COL19A1: variants seen among roughly 807,000 people sequenced by gnomAD.
COL19A1 encodes the protein collagen type XIX alpha 1 chain.
In COL19A1, 159 loss-of-function variants were observed where a neutral mutation model predicts 190.2. That is an observed-to-expected ratio of 0.84 (90% CI 0.73 to 0.95). The LOEUF (loss-of-function observed/expected upper bound fraction) is 0.95. COL19A1 is among the 40% of genes least tolerant of loss of function. The pLI is 0.00. For missense variants in COL19A1, 1,418 were observed against 1,431.9 expected (o/e 0.99, Z 0.16); for synonymous variants, 509 against 458.9 (o/e 1.11, Z -1.39).
intron 4 of COL19A1, among the ~76,000 whole-genome samples, chr6:69,907,112 T>C (rs796460658): frequency 7.1e-6 from 1 of 140,906 alleles, no homozygotes. Context: ...TTATTATTTT[T>C]TTTTTTTTTT....
intron 11 of COL19A1, among the ~76,000 whole-genome samples, chr6:69,999,725 T>C (rs1777133312): frequency 6.6e-6 from 1 of 152,190 alleles, no homozygotes; most frequent in Admixed American, 6.5e-5. Flanking sequence ...TAGTATCTAA[T>C]GTAAGCTCTG....
rs1481974284 is a variant in COL19A1, at chr6:70,144,201, G to A, written c.1627-9G>A. On this transcript the variant is annotated splice_polypyrimidine_tract_variant and intron_variant, in intron 23 of 50. Transcript: ENST00000620364. The stretch of plus-strand genomic sequence containing the variant: ...CATTACTCTTTCCTATTAACTCTGA[G>A]TTTTCTAGGGATTGCCAGGAGAACA... The A allele has an allele frequency of 1.9e-6, 3 of 1,610,974 alleles. No homozygotes were observed. Among genetic ancestry groups the A allele is most frequent in the Non-Finnish European group, 2.5e-6 (3 of 1,177,948 alleles).
At chr6:70,100,216 A>T (rs1050271992) in intron 15 of COL19A1, among the ~76,000 whole-genome samples, 12 of 152,172 alleles carry the variant, frequency 7.9e-5, no homozygotes, top group African/African-American at 2.9e-4. Context: ...GATACCATTG[A>T]TTTAGTTTCT....
intron 48 of COL19A1, among the ~76,000 whole-genome samples, chr6:70,191,119 C>T (rs1246191549): frequency 6.6e-6 from 1 of 152,098 alleles, no homozygotes; most frequent in Non-Finnish European, 1.5e-5. Flanking sequence ...TTCTATCTGG[C>T]CCTTGCAGAG....
chr6:69,869,056 T>C (rs1025727562), intron 1 of COL19A1, among the ~76,000 whole-genome samples: 1 of 148,384 alleles, frequency 6.7e-6, no homozygotes, highest in Non-Finnish European at 1.5e-5. Flanking sequence ...AAACCCAGAA[T>C]GAATAGGACC....
intron 4 of COL19A1, among the ~76,000 whole-genome samples, chr6:69,907,075 C>T (rs1351937923): frequency 2.0e-5 from 3 of 150,550 alleles, no homozygotes; most frequent in Non-Finnish European, 4.4e-5. Flanking sequence ...CTACACGGAC[C>T]TTTACACTAT....
At chr6:70,185,041 C>T (rs928823102) in intron 46 of COL19A1, 126 bp downstream of exon 46, 6 of 797,174 alleles carry the variant, frequency 7.5e-6, no homozygotes, top group Non-Finnish European at 1.1e-5. Flanking sequence ...AGGGTGTAGG[C>T]GATCAAAGAT....
intron 32 of COL19A1, 25 bp from the exon 33 acceptor site, chr6:70,156,291 G>C: frequency 6.2e-7 from 1 of 1,613,248 alleles, no homozygotes; most frequent in Non-Finnish European, 8.5e-7. Flanking sequence ...CATCCTCTCA[G>C]TTCTGTTCTT....
chr6:70,180,987 TG>T (rs1766140357), intron 44 of COL19A1, among the ~76,000 whole-genome samples: 1 of 152,218 alleles, frequency 6.6e-6, no homozygotes, highest in Non-Finnish European at 1.5e-5. Flanking sequence ...CTCATCCCCT[TG>T]TGTCCTAAAA....
At chr6:69,892,071 A>ATAACTGGTAGC (rs1769389795) in intron 2 of COL19A1, among the ~76,000 whole-genome samples, 1 of 152,220 alleles carries the variant, frequency 6.6e-6, no homozygotes, top group South Asian at 2.1e-4. Context: ...AGACACCCAG[A>ATAACTGGTAGC]TAACTGGTAG....
At chr6:70,019,690 A>G (rs1778312073) in intron 11 of COL19A1, among the ~76,000 whole-genome samples, 1 of 152,020 alleles carries the variant, frequency 6.6e-6, no homozygotes, top group African/African-American at 2.4e-5. Flanking sequence ...GATTTATTTT[A>G]TTTGTAAAGA....
chr6:70,047,649 A>G (rs1779982761), intron 14 of COL19A1, among the ~76,000 whole-genome samples: 1 of 152,172 alleles, frequency 6.6e-6, no homozygotes, highest in Admixed American at 6.5e-5. Flanking sequence ...AATTTTATAT[A>G]AATGTAGTGT....
chr6:70,111,178 A>C (rs1318041309), intron 16 of COL19A1, among the ~76,000 whole-genome samples: 3 of 152,180 alleles, frequency 2.0e-5, no homozygotes, highest in African/African-American at 7.2e-5. Context: ...AGGCAAGAAA[A>C]GATTATTTTC....
intron 14 of COL19A1, among the ~76,000 whole-genome samples, chr6:70,066,980 C>A (rs932192415): frequency 6.6e-6 from 1 of 152,046 alleles, no homozygotes; most frequent in Non-Finnish European, 1.5e-5. Flanking sequence ...TGTGAATTGT[C>A]ATTTGGCCAG....
chr6:69,999,218 C>T (rs745948592), intron 11 of COL19A1, among the ~76,000 whole-genome samples: 4 of 150,650 alleles, frequency 2.7e-5, no homozygotes, highest in African/African-American at 4.9e-5. Flanking sequence ...CCACCATGCC[C>T]GGCCTTCTTT....
intron 11 of COL19A1, among the ~76,000 whole-genome samples, chr6:70,010,321 G>C (rs1777909881): frequency 6.6e-6 from 1 of 151,978 alleles, no homozygotes; most frequent in Non-Finnish European, 1.5e-5. Flanking sequence ...TTAGTCATTA[G>C]GAAAATCAAA....
At chr6:70,040,991 T>A (rs1262472002) in intron 14 of COL19A1, among the ~76,000 whole-genome samples, 1 of 152,134 alleles carries the variant, frequency 6.6e-6, no homozygotes, top group Non-Finnish European at 1.5e-5. Flanking sequence ...CCAAGAGGCT[T>A]CCCTTAATAC....
chr6:70,035,763 G>A, intron 13 of COL19A1, 141 bp from the exon 14 acceptor site: 1 of 630,574 alleles, frequency 1.6e-6, no homozygotes, highest in Non-Finnish European at 2.7e-6. Context: ...TCTTTATGCA[G>A]AGACTTTTAT....
At chr6:69,956,549 C>T (rs1289982826) in intron 9 of COL19A1, among the ~76,000 whole-genome samples, 2 of 151,870 alleles carry the variant, frequency 1.3e-5, no homozygotes, top group Non-Finnish European at 2.9e-5. Context: ...GGACTGCCAA[C>T]AGTTTAAGAA....
Sources: gnomAD v4.1 joint callset for allele counts (sites outside exome capture counted in the v4.1 genomes callset) on GRCh38, gnomAD v4.1.1 for gene constraint, MANE v1.5 for transcripts, NCBI Gene and HGNC (gene_info 2026-07-23, HGNC 2026-07-21) for gene names.